The following CSF2RA variants were observed in gnomAD, a reference collection of about 807,000 sequenced individuals.
The protein encoded by CSF2RA is colony stimulating factor 2 receptor subunit alpha.
CSF2RA carries 42 observed loss-of-function variants against 51.6 expected under a neutral mutation model. The ratio of observed to expected loss-of-function variants is 0.81; its 90% CI spans 0.64 to 1.05. CSF2RA has a LOEUF of 1.05. Ranked by LOEUF, CSF2RA falls within the 50% of genes least tolerant of loss-of-function variation. The pLI, the probability that CSF2RA is intolerant of heterozygous loss-of-function variation, is 0.00. For synonymous variants in CSF2RA, 222 were observed against 193.0 expected (o/e 1.15, Z -1.24); for missense variants, 530 against 501.1 (o/e 1.06, Z -0.55).
chrX:1,297,854 C>G (rs2092073775), intron 9 of CSF2RA, among the ~76,000 whole-genome samples: 3 of 122,130 alleles, frequency 2.5e-5, no homozygotes, highest in African/African-American at 9.2e-5. Context: ...CCCCTACACT[C>G]TCCTACCCAT....
chrX:1,280,026 G>A (rs1291054175), intron 2 of CSF2RA, among the ~76,000 whole-genome samples: 1 of 151,916 alleles, frequency 6.6e-6, no homozygotes, highest in African/African-American at 2.4e-5. Flanking sequence ...CTGACCTCAG[G>A]CGATCCGCCT....
In CSF2RA at chrX:1,288,539, G is replaced by T. The variant is rs753367293; in HGVS notation, c.240G>T (p.Ser80=). The T allele has an allele frequency of 1.9e-6, 3 of 1,613,870 alleles. No individual in the cohort carries two copies. The highest frequency in any genetic ancestry group is 2.2e-5 in the East Asian group (1 of 44,872). The part of the protein sequence containing the change: ...VEPRLSNNEC[S]CTFREICLHE... ...TTCAGCTCAGTAACAACGAATGTTC[G>T]TGCACATTTCGTGAAATTTGTCTGC... Residue 80 remains serine, a synonymous_variant, in exon 5 of 13, where the codon TCG becomes TCT. Coordinates refer to ENST00000381529, the MANE Select transcript of CSF2RA (RefSeq NM_172245.4).
chrX:1,303,362 G>A (rs111911750), intron 10 of CSF2RA: 4,396 of 424,650 alleles, frequency 0.01, 182 homozygotes, highest in African/African-American at 0.082. Flanking sequence ...CAGACTCCCA[G>A]GTAGATAGGA....
the CSF2RA span, among the ~76,000 whole-genome samples, chrX:1,324,185 T>TAAAAAC: frequency 2.0e-5 from 3 of 149,646 alleles, no homozygotes; most frequent in South Asian, 4.2e-4. Context: ...ACTCTGCCTT[T>TAAAAAC]AAAAACAAAA....
chrX:1,289,028 C>T (rs2091082042), intron 6 of CSF2RA, 140 bp downstream of exon 6: 2 of 1,136,602 alleles, frequency 1.8e-6, no homozygotes, highest in Admixed American at 2.0e-5. Context: ...ATGGTGCCAC[C>T]TCGGCTCACT....
intron 10 of CSF2RA, 34 bp from the exon 11 acceptor site, chrX:1,303,889 T>C (rs1280508329): frequency 6.5e-7 from 1 of 1,543,020 alleles, no homozygotes; most frequent in South Asian, 1.1e-5. Flanking sequence ...CCGTCAACGA[T>C]TCACCGCAGA....
At chrX:1,294,229 C>A (rs2091697158) in intron 7 of CSF2RA, 99 bp from the exon 8 acceptor site, 1 of 1,467,754 alleles carries the variant, frequency 6.8e-7, no homozygotes, top group Non-Finnish European at 9.5e-7. Context: ...TCCACCTGGA[C>A]CCAGTGTAGA....
chrX:1,321,133 A>G, the CSF2RA span, among the ~76,000 whole-genome samples: 4 of 151,974 alleles, frequency 2.6e-5, no homozygotes, highest in Non-Finnish European at 5.9e-5. Flanking sequence ...CTCAGCCCCA[A>G]CTTGGCATAT....
intron 8 of CSF2RA, 66 bp downstream of exon 8, chrX:1,294,527 C>A (rs1603430249): frequency 6.2e-7 from 1 of 1,602,570 alleles, no homozygotes. Flanking sequence ...CGCACAGGAG[C>A]CTGGGAATCC....
intron 2 of CSF2RA, among the ~76,000 whole-genome samples, chrX:1,279,704 T>A (rs1484280462): frequency 6.6e-6 from 1 of 151,946 alleles, no homozygotes; most frequent in Non-Finnish European, 1.5e-5. Flanking sequence ...GAAACAGGTG[T>A]GGCCTACATG....
intron 4 of CSF2RA, among the ~76,000 whole-genome samples, chrX:1,287,602 C>A (rs1161015681): frequency 1.4e-5 from 2 of 147,628 alleles, no homozygotes; most frequent in African/African-American, 5.0e-5. Context: ...CACCACCACA[C>A]CTGGCTAATT....
In CSF2RA at chrX:1,303,996, C is replaced by T. The variant is rs763685613; in HGVS notation, c.1020C>T (p.Ile340=). 52 of 1,612,806 alleles carry T rather than the reference C, an allele frequency of 3.2e-5. No homozygotes were observed. The highest frequency in any genetic ancestry group is 4.1e-5 in the Non-Finnish European group (48 of 1,179,706). ...TCGTGGGAACCCTTGTCTGTGGCAT[C>T]GTCCTCGGCTTCCTCTTTAAAAGGT... ...LLIVGTLVCG[I]VLGFLFKRFL... Residue 340 remains isoleucine (I), a synonymous_variant, in exon 11 of 13, where the codon ATC becomes ATT. Coordinates refer to ENST00000381529, the MANE Select transcript of CSF2RA (RefSeq NM_172245.4).
At chrX:1,273,748 TTTTTTTTTTTTTTTTTGTA>T (rs1255478131) in intron 1 of CSF2RA, among the ~76,000 whole-genome samples, 4 of 1,562 alleles carry the variant, frequency 2.6e-3, no homozygotes, top group Non-Finnish European at 4.7e-3. Context: ...GCCCAGCTAA[TTTTTTTTTTTTTTTTTGTA>T]TTTTTTTTTT....
chrX:1,279,221 C>T (rs771889276), intron 2 of CSF2RA, among the ~76,000 whole-genome samples: 3 of 150,290 alleles, frequency 2.0e-5, no homozygotes, highest in Admixed American at 6.7e-5. Context: ...CGTGTTGGTG[C>T]GTGCCTGTAG....
At chrX:1,307,544 C>T (rs780240603) in intron 12 of CSF2RA, among the ~76,000 whole-genome samples, 10 of 152,216 alleles carry the variant, frequency 6.6e-5, no homozygotes, top group East Asian at 1.9e-4. Flanking sequence ...ATGAAGCCCA[C>T]GCTTCTCCTT....
intron 1 of CSF2RA, among the ~76,000 whole-genome samples, chrX:1,269,823 G>C (rs1277338778): frequency 2.7e-5 from 4 of 150,730 alleles, no homozygotes; most frequent in African/African-American, 9.8e-5. Context: ...GATAGTAAAG[G>C]GGGGCCGGGC....
chrX:1,299,447 C>T (rs182577900), intron 9 of CSF2RA, among the ~76,000 whole-genome samples: 6 of 152,186 alleles, frequency 3.9e-5, no homozygotes, highest in African/African-American at 1.2e-4. Context: ...ATTTTTGAGA[C>T]GGAGTCTCGC....
intron 10 of CSF2RA, among the ~76,000 whole-genome samples, chrX:1,301,906 C>T (rs1364565914): frequency 2.1e-5 from 3 of 140,176 alleles, no homozygotes; most frequent in East Asian, 2.1e-4. Context: ...GTGCCCGGCC[C>T]TCCCTCTTTT....
At chrX:1,289,963 GTT>G (rs2091218682) in intron 6 of CSF2RA, among the ~76,000 whole-genome samples, 1 of 76,998 alleles carries the variant, frequency 1.3e-5, no homozygotes, top group Non-Finnish European at 2.9e-5. Flanking sequence ...TTTTGTGTTT[GTT>G]TTTGTTTTGT....
Sources: allele counts gnomAD v4.1 joint callset (sites outside exome capture counted in the v4.1 genomes callset), GRCh38; gene constraint gnomAD v4.1.1; transcripts MANE v1.5; gene names NCBI Gene and HGNC (gene_info 2026-07-23, HGNC 2026-07-21).